RNASEH2B: variants seen among roughly 807,000 people sequenced by gnomAD.
The protein encoded by RNASEH2B is ribonuclease H2 subunit B, also known as Aicardi-Goutieres syndrome 2 protein.
In RNASEH2B, 36 loss-of-function variants were observed where a neutral mutation model predicts 45.0. The ratio of observed to expected loss-of-function variants is 0.80; its 90% CI spans 0.61 to 1.06. The LOEUF is 1.06. Among genes scored for constraint, RNASEH2B ranks in the 50% least tolerant of loss-of-function variants. RNASEH2B has a pLI of 0.00. For missense variants in RNASEH2B, 361 were observed against 360.3 expected (o/e 1.00, Z -0.02); for synonymous variants, 119 against 125.7 (o/e 0.95, Z 0.35).
chr13:50,932,111 C>T (rs1286581345), intron 4 of RNASEH2B, among the ~76,000 whole-genome samples: 1 of 152,102 alleles, frequency 6.6e-6, no homozygotes, highest in East Asian at 1.9e-4. Context: ...TTATTATTGG[C>T]CGCAAATATT....
At position 50,956,427 on chromosome 13, in the gene RNASEH2B, G is replaced by T; in HGVS notation, c.892G>T (p.Asp298Tyr). ...KVDKSGMKSI[D>Y]TFFGVKNKKK... ...TGACAAGAGTGGAATGAAAAGTATTGATACCTTTTTTGGGGTAAAAAATAA... is the reference window on the plus strand; with the variant it reads ...TGACAAGAGTGGAATGAAAAGTATTTATACCTTTTTTGGGGTAAAAAATAA... The change falls in exon 11 of 11, where the codon GAT becomes TAT. Residue 298 changes from aspartate (D) to tyrosine (Y), a missense_variant. Transcript: ENST00000336617. 1 of 1,601,090 alleles carries T rather than the reference G, an allele frequency of 6.2e-7. No homozygotes were observed. The highest frequency in any genetic ancestry group is 1.1e-5 in the South Asian group (1 of 89,918).
chr13:50,950,429 G>A (rs1010475448), intron 9 of RNASEH2B: 2 of 152,164 alleles, frequency 1.3e-5, no homozygotes. Flanking sequence ...AGCAGTGTTT[G>A]TTTGGGCCTA....
chr13:50,949,575 G>C, intron 9 of RNASEH2B, 70 bp downstream of exon 9: 1 of 1,383,796 alleles, frequency 7.2e-7, no homozygotes, highest in Non-Finnish European at 1.0e-6. Context: ...CATGAGTTTA[G>C]TTGGTTCTAA....
chr13:50,950,696 T>A (rs1593477456), intron 9 of RNASEH2B: 1 of 152,372 alleles, frequency 6.6e-6, no homozygotes, highest in African/African-American at 2.4e-5. Context: ...TTCTCCCAAA[T>A]ATCTATCTTC....
In RNASEH2B at chr13:50,943,321, G is replaced by A. The variant is rs1566086212; in HGVS notation, c.437G>A (p.Gly146Asp). ...TGCTGAGTCTTTTTTTTCTTTTAAG[G>A]TAATCCAGAAATAGACAACAAGAAA... is the stretch of plus-strand genomic sequence containing the variant. ...KLLHHVTEEK[G>D]NPEIDNKKYY... Residue 146 changes from glycine to aspartate, a missense_variant and splice_region_variant, in exon 6 of 11, where the codon GGT (glycine) becomes GAT (aspartate). Coordinates refer to ENST00000336617, the MANE Select transcript of RNASEH2B (RefSeq NM_024570.4). 6.4e-7 allele frequency: 1 copy of A among 1,562,830 alleles called. No homozygotes were observed. Among genetic ancestry groups the A allele is most frequent in the East Asian group, 2.3e-5 (1 of 44,422 alleles).
intron 9 of RNASEH2B, 132 bp downstream of exon 9, chr13:50,949,637 A>G: frequency 3.8e-6 from 3 of 796,238 alleles, no homozygotes; most frequent in East Asian, 2.6e-5. Context: ...GCCATGTGGA[A>G]TAAAGATTGT....
rs768415436 is a variant in RNASEH2B at position 50,956,449 on chromosome 13, A to C, written c.914A>C (p.Asn305Thr). Residue 305 changes from asparagine (N) to threonine (T), a missense_variant, in exon 11 of 11, where the codon AAT (asparagine) becomes ACT (threonine). By Grantham distance (65) the Asn-to-Thr change is moderately conservative. Coordinates refer to ENST00000336617, the MANE Select transcript of RNASEH2B (RefSeq NM_024570.4). ...ATTGATACCTTTTTTGGGGTAAAAA[A>C]TAAAAAAAAAATTGGAAAGGTTTGA... ...KSIDTFFGVK[N>T]KKKIGKV The C allele has an allele frequency of 1.8e-5, 29 of 1,596,332 alleles. No individual in the cohort carries two copies. The highest frequency in any genetic ancestry group is 2.5e-5 in the Non-Finnish European group (29 of 1,168,572).
downstream of RNASEH2B, among the ~76,000 whole-genome samples, chr13:50,960,797 C>G (rs149875303): frequency 6.6e-6 from 1 of 152,178 alleles, no homozygotes; most frequent in Non-Finnish European, 1.5e-5. Context: ...ATTAGGCTAG[C>G]TTTCCATTTT....
At chr13:50,969,104 G>A (rs540648439) in intron 9 of RNASEH2B, among the ~76,000 whole-genome samples, 2 of 152,250 alleles carry the variant, frequency 1.3e-5, no homozygotes, top group South Asian at 4.1e-4. Context: ...GAGGAAATGC[G>A]GATATCAACA....
chr13:50,943,342 A>G lies in RNASEH2B; in HGVS notation c.458A>G (p.Lys153Arg), dbSNP rs769721789. 6.2e-7 allele frequency: 1 copy of G among 1,602,074 alleles called. No individual in the cohort carries two copies. The highest frequency in any genetic ancestry group is 8.6e-7 in the Non-Finnish European group (1 of 1,169,386). ...TAAGGTAATCCAGAAATAGACAACA[A>G]GAAATATTACAAGTACAGCAAAGAG... ...EEKGNPEIDNKKYYKYSKEKT... is the reference protein window; with the variant it reads ...EEKGNPEIDNRKYYKYSKEKT... Residue 153 changes from lysine to arginine, a missense_variant, in exon 6 of 11, where the codon AAG becomes AGG. Transcript: ENST00000336617.
intron 9 of RNASEH2B, among the ~76,000 whole-genome samples, chr13:50,962,842 CT>C: frequency 6.6e-6 from 1 of 152,164 alleles, no homozygotes; most frequent in African/African-American, 2.4e-5. Context: ...GTGTATTAAG[CT>C]CCTTGAACTT....
intron 1 of RNASEH2B, among the ~76,000 whole-genome samples, chr13:50,916,889 G>C (rs1229683905): frequency 6.6e-6 from 1 of 152,148 alleles, no homozygotes; most frequent in Non-Finnish European, 1.5e-5. Context: ...GAGAGCATAG[G>C]ACATCTGGCC....
chr13:50,937,231 TA>T (rs1371092501), intron 5 of RNASEH2B: 1 of 150,038 alleles, frequency 6.7e-6, no homozygotes, highest in Non-Finnish European at 1.5e-5. Context: ...TTTTTATTTT[TA>T]TTTTTTTAAG....
chr13:50,925,459 C>A (rs1275545184), intron 1 of RNASEH2B, among the ~76,000 whole-genome samples: 4 of 152,118 alleles, frequency 2.6e-5, no homozygotes. Flanking sequence ...ATAAAATACC[C>A]TTGAACTTCA....
Position 50,916,717 on chromosome 13 carries a change from G to A in RNASEH2B, c.64+6577G>A, listed in dbSNP as rs372544141. The stretch of plus-strand genomic sequence containing the variant: ...TCCCTTGGTGTGCTTTCCTGAAACC[G>A]GATACTGGTTTGAATAGCCTGTGAG... On this transcript the variant is annotated intron_variant, in intron 1 of 10. Coordinates refer to ENST00000336617, the MANE Select transcript of RNASEH2B (RefSeq NM_024570.4). Among the ~76,000 whole-genome samples the A allele has an allele frequency of 8.0e-4, 122 of 152,244 alleles. 3 individuals are homozygous for A. The highest frequency in any genetic ancestry group is 7.9e-3 in the South Asian group (38 of 4,824).
intron 9 of RNASEH2B, among the ~76,000 whole-genome samples, chr13:50,961,927 A>C (rs955541649): frequency 6.6e-6 from 1 of 152,144 alleles, no homozygotes; most frequent in African/African-American, 2.4e-5. Flanking sequence ...GATATTGTCA[A>C]ATAATTTGTA....
chr13:50,932,812 GA>G (rs1476141806), intron 4 of RNASEH2B, among the ~76,000 whole-genome samples: 31 of 152,286 alleles, frequency 2.0e-4, no homozygotes, highest in African/African-American at 7.2e-4. Flanking sequence ...TCAAATTCCT[GA>G]AACCTCCATT....
intron 1 of RNASEH2B, among the ~76,000 whole-genome samples, chr13:50,925,164 A>G (rs751237389): frequency 1.4e-4 from 22 of 151,776 alleles, no homozygotes; most frequent in Non-Finnish European, 2.8e-4. Context: ...TTCTTCAGCT[A>G]TTAATTTTAT....
intron 9 of RNASEH2B, among the ~76,000 whole-genome samples, chr13:50,964,102 G>A (rs549298422): frequency 1.3e-5 from 2 of 152,194 alleles, no homozygotes; most frequent in Admixed American, 1.3e-4. Flanking sequence ...GGGAGGCTGA[G>A]GCAGGAGAAT....
Sources: allele counts gnomAD v4.1 joint callset (sites outside exome capture counted in the v4.1 genomes callset), GRCh38; gene constraint gnomAD v4.1.1; transcripts MANE v1.5; gene names NCBI Gene and HGNC (gene_info 2026-07-23, HGNC 2026-07-21).